The following ARHGEF28 variants were observed in gnomAD, a reference collection of about 807,000 sequenced individuals.
ARHGEF28 encodes 190 kDa guanine nucleotide exchange factor.
A neutral mutation model predicts 206.6 loss-of-function variants in ARHGEF28; 152 were observed. The observed-to-expected ratio is 0.74, with a 90% CI of 0.64 to 0.84. The LOEUF is 0.84. Ranked by LOEUF, ARHGEF28 falls within the 40% of genes least tolerant of loss-of-function variation. The pLI is 0.00. For missense variants in ARHGEF28, 2,028 were observed against 2,073.2 expected, an observed-to-expected ratio of 0.98 and a Z score of 0.42; for synonymous variants, 763 against 776.4, an observed-to-expected ratio of 0.98 and a Z score of 0.29.
chr5:73,810,820 T>C (rs1561420628), intron 9 of ARHGEF28, among the ~76,000 whole-genome samples: 1 of 152,252 alleles, frequency 6.6e-6, no homozygotes, highest in South Asian at 2.1e-4. Context: ...CTGAACGCTT[T>C]GTCACATTTC....
At chr5:73,881,475 T>C (rs916032265) in intron 22 of ARHGEF28, among the ~76,000 whole-genome samples, 6 of 152,214 alleles carry the variant, frequency 3.9e-5, no homozygotes, top group Non-Finnish European at 8.8e-5. Context: ...TTCACTGGCA[T>C]TGTATAGTTT....
At chr5:73,743,447 T>C (rs1751549609) in intron 2 of ARHGEF28, among the ~76,000 whole-genome samples, 1 of 152,196 alleles carries the variant, frequency 6.6e-6, no homozygotes, top group Admixed American at 6.5e-5. Context: ...TTTTATCCTA[T>C]CTGGAGATGG....
intron 4 of ARHGEF28, among the ~76,000 whole-genome samples, chr5:73,755,753 C>T (rs189041018): frequency 7.2e-5 from 11 of 152,242 alleles, no homozygotes; most frequent in African/African-American, 1.7e-4. Context: ...GTTTGGAGAA[C>T]GCTTGACAAC....
At chr5:73,930,131 A>G (rs576836870) in intron 35 of ARHGEF28, among the ~76,000 whole-genome samples, 1 of 152,300 alleles carries the variant, frequency 6.6e-6, no homozygotes, top group Non-Finnish European at 1.5e-5. Context: ...TTTCAAGTAT[A>G]ACACCTAGAA....
chr5:73,758,489 T>A (rs1318607300), intron 4 of ARHGEF28, among the ~76,000 whole-genome samples: 3 of 152,230 alleles, frequency 2.0e-5, no homozygotes, highest in Admixed American at 2.0e-4. Context: ...GTTCTTCTGC[T>A]CATTATGGAA....
In ARHGEF28 at chr5:73,740,229, G is replaced by A. The variant is rs77586662; in HGVS notation, c.34-9608G>A. 3.5e-3 allele frequency among the ~76,000 whole-genome samples: 519 copies of A among 147,250 alleles called. 3 individuals are homozygous for A. The highest frequency in any genetic ancestry group is 6.0e-3 in the Admixed American group (89 of 14,778). On this transcript the variant is annotated intron_variant, in intron 2 of 35. Coordinates refer to ENST00000513042, the MANE Select transcript of ARHGEF28 (RefSeq NM_001177693.2). ...AGCGAAAAATGAACAGAAATCCCAC[G>A]AAATCCAAATCCAGTTATGTTAGGT...
At chr5:73,762,875 C>G (rs73116589) in intron 4 of ARHGEF28, among the ~76,000 whole-genome samples, 1 of 152,088 alleles carries the variant, frequency 6.6e-6, no homozygotes, top group Non-Finnish European at 1.5e-5. Flanking sequence ...TTAAGTGAGC[C>G]TAAGCAATTG....
At chr5:73,776,785 G>C (rs1378548618) in intron 6 of ARHGEF28, 89 bp downstream of exon 6, 1 of 1,284,576 alleles carries the variant, frequency 7.8e-7, no homozygotes, top group South Asian at 2.1e-5. Context: ...TGTTTTTTGG[G>C]GGTAGGACTT....
At chr5:73,813,859 T>C (rs958949775) in intron 9 of ARHGEF28, among the ~76,000 whole-genome samples, 1 of 152,008 alleles carries the variant, frequency 6.6e-6, no homozygotes, top group South Asian at 2.1e-4. Context: ...TTATGTTCCT[T>C]TCACTTTGAA....
intron 2 of ARHGEF28, among the ~76,000 whole-genome samples, chr5:73,743,779 G>A (rs1047523131): frequency 3.3e-5 from 5 of 152,102 alleles, no homozygotes; most frequent in Admixed American, 1.3e-4. Context: ...TACATTTTCC[G>A]GAGGATTAGG....
rs1002924809 is a variant in ARHGEF28 at position 73,888,625 on chromosome 5, G to A, written c.3387+946G>A. On this transcript the variant is annotated intron_variant, in intron 26 of 35. Coordinates refer to ENST00000513042, the MANE Select transcript of ARHGEF28 (RefSeq NM_001177693.2). ...ATTCTGCTTCTTGGATGATATTACC[G>A]GACAGATGTCCTGCTGACTGATCAT... is the stretch of plus-strand genomic sequence containing the variant. 3.3e-5 allele frequency among the ~76,000 whole-genome samples: 5 copies of A among 152,122 alleles called. No individual in the cohort carries two copies. The East Asian group carries it at 7.7e-4, about 23-fold the overall frequency.
chr5:73,841,354 G>C (rs968182067), intron 11 of ARHGEF28, among the ~76,000 whole-genome samples: 2 of 152,122 alleles, frequency 1.3e-5, no homozygotes, highest in African/African-American at 4.8e-5. Flanking sequence ...CATTTTTATA[G>C]AATGCAAATT....
intron 35 of ARHGEF28, among the ~76,000 whole-genome samples, chr5:73,926,200 TACTA>T (rs1349512402): frequency 1.3e-5 from 2 of 152,206 alleles, no homozygotes; most frequent in African/African-American, 2.4e-5. Context: ...ACATCTCTAC[TACTA>T]ACTGAGAAAA....
rs569361885 is a variant in ARHGEF28 at position 73,711,535 on chromosome 5, T to C, written c.33+26651T>C. Among the ~76,000 whole-genome samples the C allele has an allele frequency of 1.5e-3, 231 of 152,304 alleles. 1 individual carries two copies. The highest frequency in any genetic ancestry group is 5.4e-3 in the African/African-American group (224 of 41,580). ...TTTATTGTTTTTAGCATACAGATCT[T>C]ACACATATTTTGTTAGATTTATACA... On this transcript the variant is annotated intron_variant, in intron 2 of 35. Coordinates refer to ENST00000513042, the MANE Select transcript of ARHGEF28 (RefSeq NM_001177693.2).
chr5:73,885,961 A>C lies in ARHGEF28; in HGVS notation c.3167A>C (p.Glu1056Ala). Residue 1056 changes from glutamate (E) to alanine (A), a missense_variant, in exon 25 of 36, where the codon GAG becomes GCG. Around this residue, in one of 3 missense-constraint regions of ARHGEF28, gnomAD observed 223 missense variants for 289.9 expected, o/e 0.77. Transcript: ENST00000513042. ...NEYEKNQKWL[E>A]ILNKIENKTY... is the part of the protein sequence containing the mutation. ...TATGAGAAAAACCAAAAATGGCTTG[A>C]GATCCTAAATAAGATTGAAAACAAA... is the stretch of plus-strand genomic sequence containing the variant. 19 of 1,613,732 alleles carry C rather than the reference A, an allele frequency of 1.2e-5. No homozygotes were observed. The highest frequency in any genetic ancestry group is 1.6e-5 in the Non-Finnish European group (19 of 1,179,758).
In ARHGEF28 at chr5:73,882,670, TAAAC is replaced by T; in HGVS notation, c.2937+80_2937+83del. On this transcript the variant is annotated intron_variant, in intron 23 of 35. Coordinates refer to ENST00000513042, the MANE Select transcript of ARHGEF28 (RefSeq NM_001177693.2). Reference sequence around the variant, plus strand: ...AGTTTATGCTTGTTTCTTAATGATTTAAACAAATTTCTTAGCTAATGATGCTTTT... The same window carrying T: ...AGTTTATGCTTGTTTCTTAATGATTTAAATTTCTTAGCTAATGATGCTTTT... The T allele has an allele frequency of 3.1e-6, 4 of 1,297,316 alleles. No homozygotes were observed. The South Asian group carries it at 6.5e-5, about 21-fold the overall frequency. The allele number at this position is 1,297,316 out of a possible 1,614,324, so 80.4% of individuals were successfully genotyped here.
intron 4 of ARHGEF28, among the ~76,000 whole-genome samples, chr5:73,763,850 G>A (rs1752747601): frequency 6.6e-6 from 1 of 152,220 alleles, no homozygotes; most frequent in Non-Finnish European, 1.5e-5. Context: ...CAGCACATTT[G>A]TCTTAATAGC....
intron 2 of ARHGEF28, among the ~76,000 whole-genome samples, chr5:73,695,139 A>G (rs1580492578): frequency 6.6e-6 from 1 of 152,158 alleles, no homozygotes; most frequent in Admixed American, 6.5e-5. Flanking sequence ...TGGCCCTTGC[A>G]TTGTGAGGGA....
At chr5:73,713,467 T>C (rs1019483166) in intron 2 of ARHGEF28, among the ~76,000 whole-genome samples, 2 of 152,186 alleles carry the variant, frequency 1.3e-5, no homozygotes, top group Non-Finnish European at 2.9e-5. Flanking sequence ...GGGTGAGAGA[T>C]GTACTTGATG....
Sources: allele counts gnomAD v4.1 joint callset (sites outside exome capture counted in the v4.1 genomes callset), GRCh38; gene constraint gnomAD v4.1.1; regional missense constraint gnomAD v4.1.1; transcripts MANE v1.5; gene names NCBI Gene and HGNC (gene_info 2026-07-23, HGNC 2026-07-21).